Variants in KIAA1671 observed in about 807,000 individuals in gnomAD.
KIAA1671 encodes uncharacterized protein KIAA1671.
A neutral mutation model predicts 131.2 loss-of-function variants in KIAA1671; 52 were observed. That is an observed-to-expected ratio of 0.40 (90% CI 0.32 to 0.50). The LOEUF is 0.50. Among genes scored for constraint, KIAA1671 ranks in the 20% least tolerant of loss-of-function variants. KIAA1671 has a pLI of 0.73. For synonymous variants in KIAA1671, 1,003 were observed against 961.6 expected (o/e 1.04, Z -0.80); for missense variants, 2,360 against 2,364.2 (o/e 1.00, Z 0.04).
At chr22:25,029,568 C>A in intron 3 of KIAA1671, 28 bp downstream of exon 3, 1 of 1,457,586 alleles carries the variant, frequency 6.9e-7, no homozygotes, top group South Asian at 1.3e-5. Flanking sequence ...ACACCCCTCT[C>A]TCAGCCGCCC....
At chr22:25,131,069 G>A (rs1397243253) in intron 6 of KIAA1671, among the ~76,000 whole-genome samples, 1 of 152,240 alleles carries the variant, frequency 6.6e-6, no homozygotes, top group Non-Finnish European at 1.5e-5. Flanking sequence ...GAAATGAGGA[G>A]ACTTTCAAAC....
intron 6 of KIAA1671, among the ~76,000 whole-genome samples, chr22:25,069,787 G>A (rs1169930960): frequency 2.6e-5 from 4 of 152,162 alleles, no homozygotes; most frequent in Admixed American, 6.5e-5. Context: ...GAGTGGCAGG[G>A]CCTCCTTCTC....
At chr22:24,961,161 A>G (rs183820134) in intron 1 of KIAA1671, among the ~76,000 whole-genome samples, 5 of 152,228 alleles carry the variant, frequency 3.3e-5, no homozygotes, top group Admixed American at 3.3e-4. Context: ...GGCATGCACC[A>G]CCACGCCTGG....
Position 25,148,869 on chromosome 22 carries a change from C to T in KIAA1671, c.4531-21951C>T, listed in dbSNP as rs147965493. ...CTGCAAGGGCTTTATTTTCCAGAAG[C>T]GGAGGGTAGTCACTGCTGCAATGAT... is the stretch of plus-strand genomic sequence containing the variant. On this transcript the variant is annotated intron_variant, in intron 6 of 12. Transcript: ENST00000358431. Among the ~76,000 whole-genome samples the T allele has an allele frequency of 8.9e-4, 136 of 152,274 alleles. No individual in the cohort carries two copies. The East Asian group carries it at 0.024, about 27-fold the overall frequency.
chr22:25,030,669 A>T (rs1195801468), intron 3 of KIAA1671, among the ~76,000 whole-genome samples: 3 of 152,392 alleles, frequency 2.0e-5, no homozygotes, highest in South Asian at 4.1e-4. Context: ...GATGGCTAAT[A>T]ATGATATTCT....
At chr22:25,129,004 C>A (rs1397494850) in intron 6 of KIAA1671, among the ~76,000 whole-genome samples, 2 of 152,114 alleles carry the variant, frequency 1.3e-5, no homozygotes, top group South Asian at 2.1e-4. Flanking sequence ...AGGATGGAGA[C>A]CAAGGGAGGC....
intron 6 of KIAA1671, among the ~76,000 whole-genome samples, chr22:25,082,119 G>A (rs1929441581): frequency 6.6e-6 from 1 of 152,154 alleles, no homozygotes; most frequent in Non-Finnish European, 1.5e-5. Flanking sequence ...AGATTTGGGG[G>A]TTTCAAGCTG....
intron 10 of KIAA1671, among the ~76,000 whole-genome samples, chr22:25,182,831 C>T (rs574698641): frequency 2.6e-5 from 4 of 152,312 alleles, no homozygotes; most frequent in East Asian, 1.9e-4. Flanking sequence ...TTGAGGAATC[C>T]GGTCTGCTGT....
chr22:25,097,612 T>C (rs1367650243), intron 6 of KIAA1671, among the ~76,000 whole-genome samples: 1 of 151,486 alleles, frequency 6.6e-6, no homozygotes, highest in African/African-American at 2.4e-5. Context: ...TGATGGCGGG[T>C]GCCTGTAGTC....
intron 6 of KIAA1671, among the ~76,000 whole-genome samples, chr22:25,101,458 G>A (rs1438313615): frequency 6.6e-6 from 1 of 152,152 alleles, no homozygotes; most frequent in East Asian, 1.9e-4. Context: ...GTTTCTGTCT[G>A]TTTCTAGAAA....
At chr22:24,955,539 C>T (rs1362060852) in intron 1 of KIAA1671, among the ~76,000 whole-genome samples, 1 of 152,160 alleles carries the variant, frequency 6.6e-6, no homozygotes, top group Non-Finnish European at 1.5e-5. Context: ...TGGGGCCAGG[C>T]CAGCCATGCT....
intron 1 of KIAA1671, among the ~76,000 whole-genome samples, chr22:25,016,122 G>T (rs1925303126): frequency 6.6e-6 from 1 of 151,802 alleles, no homozygotes; most frequent in Admixed American, 6.6e-5. Flanking sequence ...CCGGGCTCAA[G>T]CGATTCTCCT....
At chr22:25,044,106 C>T (rs1927094968) in intron 5 of KIAA1671, among the ~76,000 whole-genome samples, 1 of 152,166 alleles carries the variant, frequency 6.6e-6, no homozygotes, top group Admixed American at 6.5e-5. Context: ...AGAGGCCAAG[C>T]TCTCCAACCA....
intron 6 of KIAA1671, among the ~76,000 whole-genome samples, chr22:25,107,306 A>G (rs1016229653): frequency 6.6e-6 from 1 of 151,910 alleles, no homozygotes; most frequent in Admixed American, 6.6e-5. Flanking sequence ...AGTCCCAGCT[A>G]TTCGGGAGAC....
rs1568951497 is a variant in KIAA1671, at chr22:25,093,820, CTCTTTCTCTCTCTGTCTG to C, written c.4530+44460_4530+44477del. Among the ~76,000 whole-genome samples the C allele has an allele frequency of 4.6e-4, 46 of 100,634 alleles. 7 individuals carry two copies. The highest frequency in any genetic ancestry group is 8.4e-4 in the African/African-American group (20 of 23,934). 66.0% of individuals were successfully genotyped at this position (100,634 alleles called of 152,430 possible). ...TCTCTCTCTCTCTCTCTGTCTCTCT[CTCTTTCTCTCTCTGTCTG>C]TCTCTCTCTCTCTCTCTCTCTCTCT... On this transcript the variant is annotated intron_variant, in intron 6 of 12. Transcript: ENST00000358431.
chr22:25,154,980 A>G (rs964131354), intron 6 of KIAA1671, among the ~76,000 whole-genome samples: 2 of 151,450 alleles, frequency 1.3e-5, no homozygotes, highest in African/African-American at 4.9e-5. Flanking sequence ...GTCTTGTCAC[A>G]CCCTCCTCAG....
intron 1 of KIAA1671, among the ~76,000 whole-genome samples, chr22:25,003,232 G>A (rs2123864758): frequency 6.6e-6 from 1 of 152,144 alleles, no homozygotes; most frequent in South Asian, 2.1e-4. Context: ...AATACTACCT[G>A]CCTCCGAGGT....
At chr22:24,986,486 G>GA (rs143401425) in intron 1 of KIAA1671, among the ~76,000 whole-genome samples, 6 of 150,768 alleles carry the variant, frequency 4.0e-5, no homozygotes, top group South Asian at 2.1e-4. Flanking sequence ...AATATGACAA[G>GA]AAAAAAAAAC....
At chr22:25,140,155 G>A (rs966806616) in intron 6 of KIAA1671, among the ~76,000 whole-genome samples, 1 of 152,228 alleles carries the variant, frequency 6.6e-6, no homozygotes, top group African/African-American at 2.4e-5. Context: ...GGCTCGACGG[G>A]AGAATCTGCT....
Sources: allele counts gnomAD v4.1 joint callset (sites outside exome capture counted in the v4.1 genomes callset), GRCh38; gene constraint gnomAD v4.1.1; transcripts MANE v1.5; gene names NCBI Gene and HGNC (gene_info 2026-07-23, HGNC 2026-07-21).